Variants in KCNQ1OT1 observed in about 807,000 individuals in gnomAD.
The protein encoded by KCNQ1OT1 is KCNQ1 antisense RNA 2 (non-protein coding).
At chr11:2,649,341 T>G in exon 1 of KCNQ1OT1, 1 of 398,554 alleles carries the variant, frequency 2.5e-6, no homozygotes, top group Non-Finnish European at 4.4e-6. Context: ...AATCTTTTAT[T>G]CCTTTTCCTT....
exon 1 of KCNQ1OT1, chr11:2,665,384 A>C: frequency 1.0e-5 from 4 of 397,932 alleles, no homozygotes; most frequent in Non-Finnish European, 1.8e-5. Context: ...GGAGCCCTGT[A>C]CCCCAAGAGC....
Position 2,645,781 on chromosome 11 carries a change from G to C in KCNQ1OT1, n.54214C>G. The stretch of plus-strand genomic sequence containing the variant: ...ATAGAGGGATGTGGGGCCCACAGCA[G>C]ATGCAGTCTGGTGGGGGTTGGGCTA... On this transcript the variant is annotated non_coding_transcript_exon_variant, in exon 1 of 1. Coordinates refer to ENST00000597346, the Ensembl canonical transcript of KCNQ1OT1. This position sits in a 1 kb window ranked among gnomAD's most constrained non-coding sequence, Gnocchi z 5.8. The C allele has an allele frequency of 2.5e-6, 1 of 398,762 alleles. No homozygotes were observed. The highest frequency in any genetic ancestry group is 4.4e-6 in the Non-Finnish European group (1 of 226,182). 24.7% of individuals were successfully genotyped at this position (398,762 alleles called of 1,614,324 possible).
Position 2,631,406 on chromosome 11 carries a change from T to G in KCNQ1OT1, n.68589A>C, listed in dbSNP as rs564523981. On this transcript the variant is annotated non_coding_transcript_exon_variant, in exon 1 of 1. Coordinates refer to ENST00000597346, the Ensembl canonical transcript of KCNQ1OT1. ...TCACTTTTCATTTCATGCACTATATTCTTCACCTCCAAAATGTTTGTTTTT... is the reference window on the plus strand; with the variant it reads ...TCACTTTTCATTTCATGCACTATATGCTTCACCTCCAAAATGTTTGTTTTT... The G allele has an allele frequency of 1.5e-5, 6 of 398,548 alleles. No individual in the cohort carries two copies. The East Asian group carries it at 2.1e-4, about 14-fold the overall frequency. 24.7% of individuals were successfully genotyped at this position (398,548 alleles called of 1,614,324 possible). A position where few individuals can be genotyped will look rare whatever the true frequency, so the allele number is the denominator to read the frequency against.
rs1218137686 is a variant in KCNQ1OT1 at position 2,642,352 on chromosome 11, A to AT, written n.57642dup. 1 of 397,880 alleles carries AT rather than the reference A, an allele frequency of 2.5e-6. No homozygotes were observed. Among genetic ancestry groups the AT allele is most frequent in the African/African-American group, 2.1e-5 (1 of 48,528 alleles). The allele number at this position is 397,880 out of a possible 1,614,324, so 24.6% of individuals were successfully genotyped here. On this transcript the variant is annotated non_coding_transcript_exon_variant, in exon 1 of 1. Transcript: ENST00000597346. This position sits in a 1 kb window ranked among gnomAD's most constrained non-coding sequence, Gnocchi z 4.3. ...CCTCTTTGGTTAAACTCATTCCTAGATTTTTTGTAGTGGTTGTAAAAGATA... is the reference window on the plus strand; with the variant it reads ...CCTCTTTGGTTAAACTCATTCCTAGATTTTTTTGTAGTGGTTGTAAAAGATA...
In KCNQ1OT1 at chr11:2,624,948, A is replaced by T. The variant is rs1849240359; in HGVS notation, n.75047T>A. 2.5e-6 allele frequency: 1 copy of T among 398,426 alleles called. No homozygotes were observed. Among genetic ancestry groups the T allele is most frequent in the Admixed American group, 4.4e-5 (1 of 22,708 alleles). 24.7% of individuals were successfully genotyped at this position (398,426 alleles called of 1,614,324 possible). A position where few individuals can be genotyped will look rare whatever the true frequency, so the allele number is the denominator to read the frequency against. On this transcript the variant is annotated non_coding_transcript_exon_variant, in exon 1 of 1. Coordinates refer to ENST00000597346, the Ensembl canonical transcript of KCNQ1OT1. This position sits in a 1 kb window ranked among gnomAD's most constrained non-coding sequence, Gnocchi z 4.9. Reference sequence around the variant, plus strand: ...TTTTTTTAAAGCTGAATAATATTACATTGTATGTATATACCACATTTTGCT... The same window carrying T: ...TTTTTTTAAAGCTGAATAATATTACTTTGTATGTATATACCACATTTTGCT...
In KCNQ1OT1 at chr11:2,661,589, T is replaced by C; in HGVS notation, n.38406A>G. On this transcript the variant is annotated non_coding_transcript_exon_variant, in exon 1 of 1. Transcript: ENST00000597346. This position sits in a 1 kb window ranked among gnomAD's most constrained non-coding sequence, Gnocchi z 5.9. Reference sequence around the variant, plus strand: ...CAATGTATGGTGGTGGGAGCTGTTGTCCCTTACCAGGCCTGTGCCTGTCAC... The same window carrying C: ...CAATGTATGGTGGTGGGAGCTGTTGCCCCTTACCAGGCCTGTGCCTGTCAC... 1 of 566,084 alleles carries C rather than the reference T, an allele frequency of 1.8e-6. No individual in the cohort carries two copies. The allele number at this position is 566,084 out of a possible 1,614,324, so 35.1% of individuals were successfully genotyped here.
At chr11:2,637,260 T>C (rs1849486805) in exon 1 of KCNQ1OT1, 1 of 152,230 alleles carries the variant, frequency 6.6e-6, no homozygotes, top group Non-Finnish European at 1.5e-5. Flanking sequence ...TCTAGTTCTT[T>C]TAATTGTGAT....
In KCNQ1OT1 at chr11:2,649,444, T is replaced by C. The variant is rs118145260; in HGVS notation, n.50551A>G. On this transcript the variant is annotated non_coding_transcript_exon_variant, in exon 1 of 1. Coordinates refer to ENST00000597346, the Ensembl canonical transcript of KCNQ1OT1. ...TCCTACTTCCAGATGTAGTACTCCCTTAAGCATTTCTTGTGGGGCTGATTT... is the reference window on the plus strand; with the variant it reads ...TCCTACTTCCAGATGTAGTACTCCCCTAAGCATTTCTTGTGGGGCTGATTT... 3.6e-3 allele frequency: 1,420 copies of C among 398,586 alleles called. 39 individuals carry two copies. In the East Asian group the frequency reaches 0.05, roughly 14 times the overall value. 24.7% of individuals were successfully genotyped at this position (398,586 alleles called of 1,614,324 possible). A position where few individuals can be genotyped will look rare whatever the true frequency, so the allele number is the denominator to read the frequency against.
Position 2,671,522 on chromosome 11 carries a change from CA to C in KCNQ1OT1, n.28472del, listed in dbSNP as rs1850183468. 2.5e-6 allele frequency: 1 copy of C among 398,504 alleles called. No individual in the cohort carries two copies. Among genetic ancestry groups the C allele is most frequent in the Non-Finnish European group, 4.4e-6 (1 of 226,084 alleles). 24.7% of individuals were successfully genotyped at this position (398,504 alleles called of 1,614,324 possible). ...TTTAGGGCCAATTCAAGGGATTTTT[CA>C]AAGGTTAATTTTGACTCTGCCTGAC... On this transcript the variant is annotated non_coding_transcript_exon_variant, in exon 1 of 1. Transcript: ENST00000597346. This position sits in a 1 kb window ranked among gnomAD's most constrained non-coding sequence, Gnocchi z 4.7.
At position 2,664,759 on chromosome 11, in the gene KCNQ1OT1, C is replaced by T; in HGVS notation, n.35236G>A. On this transcript the variant is annotated non_coding_transcript_exon_variant, in exon 1 of 1. Transcript: ENST00000597346. The surrounding 1 kb of genome is among the most constrained non-coding windows in gnomAD (Gnocchi z 5.1). ...GGGACAGGGATGTGTGCTGGGGTCT[C>T]ACAGGGGGCAGAGTGGGTGGGAGGC... The T allele has an allele frequency of 2.5e-6, 1 of 398,760 alleles. No individual in the cohort carries two copies. Among genetic ancestry groups the T allele is most frequent in the Admixed American group, 4.4e-5 (1 of 22,738 alleles). The allele number at this position is 398,760 out of a possible 1,614,324, so 24.7% of individuals were successfully genotyped here.
chr11:2,686,712 C>G, exon 1 of KCNQ1OT1: 2 of 398,640 alleles, frequency 5.0e-6, no homozygotes, highest in Non-Finnish European at 8.8e-6. Context: ...GCTGGGAAGT[C>G]CTACTCGGCC....
chr11:2,664,577 T>C lies in KCNQ1OT1; in HGVS notation n.35418A>G, dbSNP rs1850030122. On this transcript the variant is annotated non_coding_transcript_exon_variant, in exon 1 of 1. Coordinates refer to ENST00000597346, the Ensembl canonical transcript of KCNQ1OT1. The surrounding 1 kb of genome is among the most constrained non-coding windows in gnomAD (Gnocchi z 5.1). The stretch of plus-strand genomic sequence containing the variant: ...GGGCCGTGCAGGTCTTCTGCCCGCA[T>C]TGGGGCTGCATTCCTCCACCTCCTG... 1 of 398,630 alleles carries C rather than the reference T, an allele frequency of 2.5e-6. No individual in the cohort carries two copies. Among genetic ancestry groups the C allele is most frequent in the Non-Finnish European group, 4.4e-6 (1 of 226,114 alleles). 24.7% of individuals were successfully genotyped at this position (398,630 alleles called of 1,614,324 possible).
rs368671854 is a variant in KCNQ1OT1 at position 2,673,104 on chromosome 11, G to A, written n.26891C>T. 5.0e-6 allele frequency: 2 copies of A among 398,900 alleles called. No homozygotes were observed. Among genetic ancestry groups the A allele is most frequent in the African/African-American group, 4.1e-5 (2 of 48,758 alleles). The allele number at this position is 398,900 out of a possible 1,614,324, so 24.7% of individuals were successfully genotyped here. ...AGTAGGCCTTCACGGTACTCAGCAGGAGACCCCAGCAGGCAGCATCAGGGC... is the reference window on the plus strand; with the variant it reads ...AGTAGGCCTTCACGGTACTCAGCAGAAGACCCCAGCAGGCAGCATCAGGGC... On this transcript the variant is annotated non_coding_transcript_exon_variant, in exon 1 of 1. Coordinates refer to ENST00000597346, the Ensembl canonical transcript of KCNQ1OT1. This position sits in a 1 kb window ranked among gnomAD's most constrained non-coding sequence, Gnocchi z 4.5.
At chr11:2,672,806 G>A in exon 1 of KCNQ1OT1, 1 of 398,788 alleles carries the variant, frequency 2.5e-6, no homozygotes, top group Non-Finnish European at 4.4e-6. Flanking sequence ...CCTTCAGAAG[G>A]GCTGGACCAA....
At position 2,699,733 on chromosome 11, in the gene KCNQ1OT1, T is replaced by G. The variant is rs1380176497; in HGVS notation, n.262A>C. On this transcript the variant is annotated non_coding_transcript_exon_variant, in exon 1 of 1. Transcript: ENST00000597346. Reference sequence around the variant, plus strand: ...GCGCCGAGGAGTCCCCGGGGAGAACTGCGCCGAGGAGCCCCCAGAAGAGCG... The same window carrying G: ...GCGCCGAGGAGTCCCCGGGGAGAACGGCGCCGAGGAGCCCCCAGAAGAGCG... The G allele has an allele frequency of 1.5e-3, 303 of 195,514 alleles. 2 individuals carry two copies. Among genetic ancestry groups the G allele is most frequent in the Middle Eastern group, 5.8e-3 (4 of 694 alleles). The allele number at this position is 195,514 out of a possible 1,614,324, so 12.1% of individuals were successfully genotyped here.
chr11:2,681,760 G>C, exon 1 of KCNQ1OT1: 1 of 398,444 alleles, frequency 2.5e-6, no homozygotes, highest in Non-Finnish European at 4.4e-6. Context: ...GGCACTGTGG[G>C]GGCCCTGGGA....
At position 2,628,649 on chromosome 11, in the gene KCNQ1OT1, C is replaced by T. The variant is rs1052673864; in HGVS notation, n.71346G>A. The T allele has an allele frequency of 2.8e-5, 11 of 398,230 alleles. No individual in the cohort carries two copies. The Admixed American group carries it at 3.5e-4, about 13-fold the overall frequency. 24.7% of individuals were successfully genotyped at this position (398,230 alleles called of 1,614,324 possible). A position where few individuals can be genotyped will look rare whatever the true frequency, so the allele number is the denominator to read the frequency against. On this transcript the variant is annotated non_coding_transcript_exon_variant, in exon 1 of 1. Coordinates refer to ENST00000597346, the Ensembl canonical transcript of KCNQ1OT1. ...AGACACTTTTTTGTTTGATGTAGTT[C>T]TAATTTATTTTTGCGTTTTATTCCT...
At chr11:2,638,471 ATTCTT>A (rs1849515830) in exon 1 of KCNQ1OT1, 1 of 152,168 alleles carries the variant, frequency 6.6e-6, no homozygotes, top group African/African-American at 2.4e-5. Flanking sequence ...TGGGTTGAAA[ATTCTT>A]TTCTTTAAGA....
exon 1 of KCNQ1OT1, chr11:2,614,402 C>T (rs1016101508): frequency 1.0e-5 from 4 of 398,384 alleles, no homozygotes; most frequent in Middle Eastern, 6.2e-4. Context: ...AATTCAGTGT[C>T]ACTTAGTACA....
Sources: allele counts gnomAD v4.1 joint callset, GRCh38; gene constraint gnomAD v4.1.1; non-coding constraint Gnocchi (gnomAD v3.1); transcripts MANE v1.5; gene names NCBI Gene and HGNC (gene_info 2026-07-23, HGNC 2026-07-21).